Variants in IRF2BP2 observed in about 807,000 individuals in gnomAD.
IRF2BP2 encodes the protein interferon regulatory factor 2-binding protein 2.
A neutral mutation model predicts 32.7 loss-of-function variants in IRF2BP2; 13 were observed. The ratio of observed to expected loss-of-function variants is 0.40; its 90% CI spans 0.26 to 0.63. The LOEUF (loss-of-function observed/expected upper bound fraction) is 0.63. Among genes scored for constraint, IRF2BP2 ranks in the 30% least tolerant of loss-of-function variants. The pLI is 0.42. For synonymous variants in IRF2BP2, 555 were observed against 384.6 expected (o/e 1.44, Z -5.18); for missense variants, 980 against 830.6 (o/e 1.18, Z -2.21).
chr1:234,608,385 C>G, intron 1 of IRF2BP2, 62 bp downstream of exon 1: 1 of 1,297,904 alleles, frequency 7.7e-7, no homozygotes. Context: ...AAAGAACCAC[C>G]CTTCCTCTGC....
chr1:234,609,194 G>A lies in IRF2BP2; in HGVS notation c.301C>T (p.His101Tyr). 2 of 1,308,098 alleles carry A rather than the reference G, an allele frequency of 1.5e-6. No homozygotes were observed. Among genetic ancestry groups the A allele is most frequent in the South Asian group, 2.2e-5 (1 of 45,924 alleles). The allele number at this position is 1,308,098 out of a possible 1,614,324, so 81.0% of individuals were successfully genotyped here. ...ILLQQQQQLGHGGPEAAPRAP... is the reference protein window; with the variant it reads ...ILLQQQQQLGYGGPEAAPRAP... ...CGCGGGGCCGCCTCGGGGCCGCCGT[G>A]GCCAAGCTGCTGCTGCTGCTGCAAA... is the stretch of plus-strand genomic sequence containing the variant. Residue 101 changes from histidine to tyrosine, a missense_variant, in exon 1 of 2, where the codon CAC (histidine) becomes TAC (tyrosine). Transcript: ENST00000366609.
In IRF2BP2 at chr1:234,605,424, C is replaced by G. The variant is rs566850531; in HGVS notation, c.*1713G>C. Reference sequence around the variant, plus strand: ...CTCGCACAGTAGTAATAGGTGCACTCATTAAAAACACTACGGAAAAACACT... The same window carrying G: ...CTCGCACAGTAGTAATAGGTGCACTGATTAAAAACACTACGGAAAAACACT... On this transcript the variant is annotated 3_prime_UTR_variant, in exon 2 of 2. Coordinates refer to ENST00000366609, the MANE Select transcript of IRF2BP2 (RefSeq NM_182972.3). The G allele has an allele frequency of 6.6e-6, 1 of 152,208 alleles. No homozygotes were observed. The highest frequency in any genetic ancestry group is 1.5e-5 in the Non-Finnish European group (1 of 68,042). 9.4% of individuals were successfully genotyped at this position (152,208 alleles called of 1,614,324 possible).
In IRF2BP2 at chr1:234,607,022, T is replaced by G; in HGVS notation, c.*115A>C. On this transcript the variant is annotated 3_prime_UTR_variant, in exon 2 of 2. Transcript: ENST00000366609. ...AAAAAAAATCAAAATTATACAGCCA[T>G]GTTTATGAAGTCTACATTTCCCTTG... 7.6e-6 allele frequency: 6 copies of G among 792,716 alleles called. No homozygotes were observed. The highest frequency in any genetic ancestry group is 2.0e-6 in the Non-Finnish European group (1 of 497,646). The allele number at this position is 792,716 out of a possible 1,614,324, so 49.1% of individuals were successfully genotyped here. A position where few individuals can be genotyped will look rare whatever the true frequency, so the allele number is the denominator to read the frequency against.
intron 1 of IRF2BP2, 151 bp from the exon 2 acceptor site, chr1:234,608,003 T>G: frequency 1.6e-6 from 1 of 635,598 alleles, no homozygotes; most frequent in Non-Finnish European, 2.7e-6. Context: ...GAGTTTCAGG[T>G]GCACATGCAA....
chr1:234,607,064 A>G lies in IRF2BP2; in HGVS notation c.*73T>C, dbSNP rs1672184039. On this transcript the variant is annotated 3_prime_UTR_variant, in exon 2 of 2. Transcript: ENST00000366609. ...TTTCCCTTGTCTTGGATATATATAT[A>G]TATGGAGATATATATACAATTCAAG... 7 of 994,558 alleles carry G rather than the reference A, an allele frequency of 7.0e-6. No homozygotes were observed. The highest frequency in any genetic ancestry group is 9.1e-6 in the Non-Finnish European group (6 of 656,264). The allele number at this position is 994,558 out of a possible 1,614,324, so 61.6% of individuals were successfully genotyped here.
Position 234,604,797 on chromosome 1 carries a change from A to G in IRF2BP2, c.*2340T>C, listed in dbSNP as rs940662062. ...CTGTCATCAGGTACAACAAAAGATC[A>G]AACCCATGTCCCGATGTTAACTTTT... On this transcript the variant is annotated 3_prime_UTR_variant, in exon 2 of 2. Transcript: ENST00000366609. 3 of 152,230 alleles carry G rather than the reference A, an allele frequency of 2.0e-5. No homozygotes were observed. The highest frequency in any genetic ancestry group is 4.4e-5 in the Non-Finnish European group (3 of 68,040). The allele number at this position is 152,230 out of a possible 1,614,324, so 9.4% of individuals were successfully genotyped here. A position where few individuals can be genotyped will look rare whatever the true frequency, so the allele number is the denominator to read the frequency against.
chr1:234,607,792 G>A lies in IRF2BP2; in HGVS notation c.1109C>T (p.Pro370Leu). The A allele has an allele frequency of 1.2e-6, 2 of 1,611,784 alleles. No homozygotes were observed. The highest frequency in any genetic ancestry group is 1.1e-5 in the South Asian group (1 of 90,988). Residue 370 changes from proline to leucine, a missense_variant, in exon 2 of 2, where the codon CCT becomes CTT. By Grantham distance (98) the Pro-to-Leu change is moderately conservative. Coordinates refer to ENST00000366609, the MANE Select transcript of IRF2BP2 (RefSeq NM_182972.3). ...SPEPEGEVGPPKINGEAQPWL... is the reference protein window; with the variant it reads ...SPEPEGEVGPLKINGEAQPWL... ...CGGCTGGGCCTCTCCGTTGATCTTA[G>A]GGGGCCCGACTTCACCTTCTGGTTC...
At position 234,607,597 on chromosome 1, in the gene IRF2BP2, G is replaced by C; in HGVS notation, c.1304C>G (p.Ala435Gly). 1 of 1,614,246 alleles carries C rather than the reference G, an allele frequency of 6.2e-7. No individual in the cohort carries two copies. Residue 435 changes from alanine (A) to glycine (G), a missense_variant, in exon 2 of 2, where the codon GCA becomes GGA. Physicochemically the swap from Ala to Gly is moderately conservative, Grantham distance 60. Transcript: ENST00000366609. Reference protein sequence around the residue: ...MAALILVADNAGGSHASKDAN... With the variant: ...MAALILVADNGGGSHASKDAN... ...ATCTTTTGAGGCATGACTGCCCCCT[G>C]CATTGTCTGCTACTAAGATCAGGGC...
rs1379878996 is a variant in IRF2BP2, at chr1:234,608,554, T to A, written c.941A>T (p.Gln314Leu). ...CTCGAAGGGCCCCGAGTGGCCGTGC[T>A]GGTGCAGCGCCAGCAGCGTGTCGCG... ...TVRDTLLALH[Q>L]HGHSGPFESK... The change falls in exon 1 of 2, where the codon CAG (glutamine) becomes CTG (leucine). Residue 314 changes from glutamine to leucine, a missense_variant. Transcript: ENST00000366609. 6.2e-7 allele frequency: 1 copy of A among 1,609,714 alleles called. No homozygotes were observed. The highest frequency in any genetic ancestry group is 8.5e-7 in the Non-Finnish European group (1 of 1,178,700).
rs758151588 is a variant in IRF2BP2 at position 234,608,622 on chromosome 1, G to A, written c.873C>T (p.Arg291=). The change falls in exon 1 of 2, where the codon CGC becomes CGT. Residue 291 remains arginine (R), a synonymous_variant. Transcript: ENST00000366609. ...TGACCCAGTCCTGCTCTCCAGACCCGCGGCTCTTGCCCGCACCTTCCGCGC... is the reference window on the plus strand; with the variant it reads ...TGACCCAGTCCTGCTCTCCAGACCCACGGCTCTTGCCCGCACCTTCCGCGC... ...ELSAEGAGKS[R]GSGEQDWVNR... is the part of the protein sequence containing the mutation. The A allele has an allele frequency of 5.7e-6, 9 of 1,573,690 alleles. 1 individual carries two copies. The highest frequency in any genetic ancestry group is 3.5e-4 in the Middle Eastern group (2 of 5,736).
Position 234,608,831 on chromosome 1 carries a change from C to T in IRF2BP2, c.664G>A (p.Ala222Thr), listed in dbSNP as rs1672252992. 1.5e-6 allele frequency: 2 copies of T among 1,354,254 alleles called. No individual in the cohort carries two copies. Among genetic ancestry groups the T allele is most frequent in the Non-Finnish European group, 9.4e-7 (1 of 1,062,692 alleles). 83.9% of individuals were successfully genotyped at this position (1,354,254 alleles called of 1,614,324 possible). A position where few individuals can be genotyped will look rare whatever the true frequency, so the allele number is the denominator to read the frequency against. The change falls in exon 1 of 2, where the codon GCC becomes ACC. Residue 222 changes from alanine to threonine, a missense_variant. Transcript: ENST00000366609. ...GTGGGCTGCGCGGAGCCCAGGCTGG[C>T]GGCCGCGGTTCCGGACACCGCGGCT... ...SLAAVSGTAA[A>T]SLGSAQPTDL...
rs779104715 is a variant in IRF2BP2, at chr1:234,607,219, T to C, written c.1682A>G (p.Asn561Ser). 12 of 1,614,092 alleles carry C rather than the reference T, an allele frequency of 7.4e-6. No individual in the cohort carries two copies. Among genetic ancestry groups the C allele is most frequent in the South Asian group, 2.2e-5 (2 of 91,092 alleles). ...SGEKCPLVGSNVPWAFMQGEI... is the reference protein window; with the variant it reads ...SGEKCPLVGSSVPWAFMQGEI... ...CCCTTGCATAAAGGCCCAGGGGACA[T>C]TGGAGCCCACAAGAGGGCATTTTTC... Residue 561 changes from asparagine (N) to serine (S), a missense_variant, in exon 2 of 2, where the codon AAT (asparagine) becomes AGT (serine). Asn to Ser is a conservative substitution (Grantham distance 46). Transcript: ENST00000366609.
Position 234,609,300 on chromosome 1 carries a change from G to C in IRF2BP2, c.195C>G (p.Cys65Trp). The change falls in exon 1 of 2, where the codon TGC (cysteine) becomes TGG (tryptophan). Residue 65 changes from cysteine to tryptophan, a missense_variant. Physicochemically the swap from Cys to Trp is radical, Grantham distance 215. Coordinates refer to ENST00000366609, the MANE Select transcript of IRF2BP2 (RefSeq NM_182972.3). Reference sequence around the variant, plus strand: ...CGGGTGGGGAGCGACCCTCCGGGAAGCAGCCGTGCGCCCGCTTGAGCTGCC... The same window carrying C: ...CGGGTGGGGAGCGACCCTCCGGGAACCAGCCGTGCGCCCGCTTGAGCTGCC... ...TARQLKRAHG[C>W]FPEGRSPPGA... is the part of the protein sequence containing the mutation. 1 of 1,483,688 alleles carries C rather than the reference G, an allele frequency of 6.7e-7. No homozygotes were observed. Among genetic ancestry groups the C allele is most frequent in the Non-Finnish European group, 9.0e-7 (1 of 1,115,496 alleles). 91.9% of individuals were successfully genotyped at this position (1,483,688 alleles called of 1,614,324 possible). A position where few individuals can be genotyped will look rare whatever the true frequency, so the allele number is the denominator to read the frequency against.
chr1:234,607,944 T>C, intron 1 of IRF2BP2, 92 bp from the exon 2 acceptor site: 1 of 1,012,382 alleles, frequency 9.9e-7, no homozygotes, highest in Non-Finnish European at 1.4e-6. Context: ...ACAAAAGTCG[T>C]TACAGAATTC....
At position 234,608,150 on chromosome 1, in the gene IRF2BP2, T is replaced by C. The variant is rs1172039985; in HGVS notation, c.1048+297A>G. The C allele has an allele frequency of 5.7e-6, 3 of 529,478 alleles. No homozygotes were observed. The African/African-American group carries it at 5.7e-5, about 10-fold the overall frequency. The allele number at this position is 529,478 out of a possible 1,614,324, so 32.8% of individuals were successfully genotyped here. ...TCGTTTGCACTCAACATGTGACTGC[T>C]AATGTCCCCCAATAGGTTAAAAGGT... On this transcript the variant is annotated intron_variant, in intron 1 of 1. Transcript: ENST00000366609.
In IRF2BP2 at chr1:234,605,171, C is replaced by CAGTTACAAT. The variant is rs3045215; in HGVS notation, c.*1965_*1966insATTGTAACT. On this transcript the variant is annotated 3_prime_UTR_variant, in exon 2 of 2. Transcript: ENST00000366609. ...TTGTAACATCTGTGAGGTCAAATTCCAAAGTGCCTAGATACACATTTATAC... is the reference window on the plus strand; with the variant it reads ...TTGTAACATCTGTGAGGTCAAATTCCAGTTACAATAAAGTGCCTAGATACACATTTATAC... 6.6e-6 allele frequency: 1 copy of CAGTTACAAT among 151,580 alleles called. No individual in the cohort carries two copies. Among genetic ancestry groups the CAGTTACAAT allele is most frequent in the Non-Finnish European group, 1.5e-5 (1 of 67,752 alleles). 9.4% of individuals were successfully genotyped at this position (151,580 alleles called of 1,614,324 possible).
chr1:234,609,468 GGCCGCCACCGCCACC>G lies in IRF2BP2; in HGVS notation c.12_26del (p.Val5_Ala9del). On this transcript the variant is annotated inframe_deletion, in exon 1 of 2. Transcript: ENST00000366609. ...GGTAGCACGACTGCCGCCGGGACGCGGCCGCCACCGCCACCGCCGCGGCCATGTCCGAGGAGCCCG... is the reference window on the plus strand; with the variant it reads ...GGTAGCACGACTGCCGCCGGGACGCGGCCGCGGCCATGTCCGAGGAGCCCG... 2 of 1,513,594 alleles carry G rather than the reference GGCCGCCACCGCCACC, an allele frequency of 1.3e-6. No individual in the cohort carries two copies. Among genetic ancestry groups the G allele is most frequent in the Non-Finnish European group, 1.8e-6 (2 of 1,132,420 alleles). The allele number at this position is 1,513,594 out of a possible 1,614,324, so 93.8% of individuals were successfully genotyped here. A position where few individuals can be genotyped will look rare whatever the true frequency, so the allele number is the denominator to read the frequency against.
In IRF2BP2 at chr1:234,609,590, C is replaced by A. The variant is rs914877365; in HGVS notation, c.-96G>T. On this transcript the variant is annotated 5_prime_UTR_variant, in exon 1 of 2. Transcript: ENST00000366609. ...GGCACCACGCGCGCCCTCCTCCCCC[C>A]CCAACCCCGCGTCTCCCCCACCAGC... The A allele has an allele frequency of 4.8e-6, 3 of 627,738 alleles. No individual in the cohort carries two copies. Among genetic ancestry groups the A allele is most frequent in the South Asian group, 6.2e-5 (1 of 16,206 alleles). The allele number at this position is 627,738 out of a possible 1,614,324, so 38.9% of individuals were successfully genotyped here.
In IRF2BP2 at chr1:234,610,080, T is replaced by C. The variant is rs1232037585; in HGVS notation, c.-586A>G. ...CGCCGCTCTCTCACAGCTCCTGGCG[T>C]CGCCGCTCTCCAGCGCCAGCGTCAG... On this transcript the variant is annotated 5_prime_UTR_variant, in exon 1 of 2. Coordinates refer to ENST00000366609, the MANE Select transcript of IRF2BP2 (RefSeq NM_182972.3). Among the ~76,000 whole-genome samples, 1 of 147,424 alleles carries C rather than the reference T, an allele frequency of 6.8e-6. No individual in the cohort carries two copies. The highest frequency in any genetic ancestry group is 1.5e-5 in the Non-Finnish European group (1 of 66,198).
Sources: gnomAD v4.1 joint callset for allele counts (sites outside exome capture counted in the v4.1 genomes callset) on GRCh38, gnomAD v4.1.1 for gene constraint, MANE v1.5 for transcripts, NCBI Gene and HGNC (gene_info 2026-07-23, HGNC 2026-07-21) for gene names.